The following ARHGAP10 variants were observed in gnomAD, a reference collection of about 807,000 sequenced individuals.
ARHGAP10 encodes the protein Rho GTPase activating protein 10, also known as rho GTPase-activating protein 10.
Under a neutral mutation model 108.6 loss-of-function variants are expected in ARHGAP10, and 87 were observed. The observed-to-expected ratio is 0.80, with a 90% CI of 0.67 to 0.96. The LOEUF (loss-of-function observed/expected upper bound fraction) is 0.96, where lower values mean the gene tolerates loss of function less well. Ranked by LOEUF, ARHGAP10 falls within the 40% of genes least tolerant of loss-of-function variation. ARHGAP10 has a pLI of 0.00. For missense variants in ARHGAP10, 939 were observed against 954.5 expected, an observed-to-expected ratio of 0.98 and a Z score of 0.21; for synonymous variants, 347 against 341.1, an observed-to-expected ratio of 1.02 and a Z score of -0.19.
At chr4:147,854,684 A>C in intron 4 of ARHGAP10, 3 of 982,892 alleles carry the variant, frequency 3.1e-6, no homozygotes, top group Non-Finnish European at 3.6e-6. Context: ...AGCACAAGAA[A>C]TCATATGAGC....
intron 14 of ARHGAP10, among the ~76,000 whole-genome samples, chr4:147,940,618 A>G (rs544410325): frequency 1.3e-5 from 2 of 152,170 alleles, no homozygotes; most frequent in South Asian, 2.1e-4. Flanking sequence ...TATCAAACCA[A>G]TCTGTCATTA....
At chr4:147,984,320 A>G (rs963831615) in intron 18 of ARHGAP10, among the ~76,000 whole-genome samples, 4 of 152,176 alleles carry the variant, frequency 2.6e-5, no homozygotes, top group African/African-American at 9.7e-5. Context: ...TTTCAGCCCA[A>G]ACTCTCCAGG....
chr4:148,061,104 T>G (rs533949765), intron 20 of ARHGAP10, among the ~76,000 whole-genome samples: 1 of 152,232 alleles, frequency 6.6e-6, no homozygotes, highest in South Asian at 2.1e-4. Flanking sequence ...TCCTTTTTTT[T>G]TTTTAAAGAA....
intron 19 of ARHGAP10, among the ~76,000 whole-genome samples, chr4:148,032,620 G>A (rs1172498607): frequency 6.6e-6 from 1 of 152,064 alleles, no homozygotes; most frequent in Non-Finnish European, 1.5e-5. Context: ...TAAGATAGAT[G>A]TATATATTGA....
At chr4:147,865,581 A>G (rs1038136232) in intron 6 of ARHGAP10, 4 of 109,676 alleles carry the variant, frequency 3.6e-5, no homozygotes, top group African/African-American at 2.1e-4. Context: ...GATTTCAGCA[A>G]AAAAACACTG....
At chr4:147,779,946 C>T (rs138079137) in intron 1 of ARHGAP10, among the ~76,000 whole-genome samples, 1 of 152,092 alleles carries the variant, frequency 6.6e-6, no homozygotes, top group South Asian at 2.1e-4. Flanking sequence ...TAGTCTTGCC[C>T]GAGTATGAGT....
intron 10 of ARHGAP10, among the ~76,000 whole-genome samples, chr4:147,903,389 A>G (rs776490397): frequency 6.6e-6 from 1 of 152,194 alleles, no homozygotes; most frequent in Non-Finnish European, 1.5e-5. Flanking sequence ...CCACACATGC[A>G]TAGCATTCCC....
intron 1 of ARHGAP10, among the ~76,000 whole-genome samples, chr4:147,756,238 G>A (rs1005349772): frequency 5.3e-5 from 8 of 152,110 alleles, no homozygotes; most frequent in Middle Eastern, 3.4e-3. Flanking sequence ...GTTCTTAATT[G>A]CTCTCCCTAG....
At chr4:148,047,141 C>A in intron 20 of ARHGAP10, 90 bp downstream of exon 20, 1 of 1,476,558 alleles carries the variant, frequency 6.8e-7, no homozygotes, top group South Asian at 1.3e-5. Flanking sequence ...CCTGTGGGTG[C>A]TGAAGCCATT....
chr4:147,775,167 C>T (rs1000174920), intron 1 of ARHGAP10, among the ~76,000 whole-genome samples: 3 of 152,130 alleles, frequency 2.0e-5, no homozygotes, highest in Admixed American at 6.5e-5. Context: ...CTCGCCTCGG[C>T]CCCCCAAAGT....
At chr4:147,739,284 G>T (rs13117046) in intron 1 of ARHGAP10, among the ~76,000 whole-genome samples, 1 of 151,820 alleles carries the variant, frequency 6.6e-6, no homozygotes, top group Admixed American at 6.6e-5. Flanking sequence ...GATTCACAAA[G>T]ATTTGAAGAT....
chr4:147,770,572 A>T (rs1579023103), intron 1 of ARHGAP10, among the ~76,000 whole-genome samples: 1 of 152,170 alleles, frequency 6.6e-6, no homozygotes, highest in East Asian at 1.9e-4. Context: ...ATATCTCTGT[A>T]TCCTGTATTT....
chr4:147,746,806 A>T (rs1447107366), intron 1 of ARHGAP10, among the ~76,000 whole-genome samples: 1 of 152,166 alleles, frequency 6.6e-6, no homozygotes, highest in Non-Finnish European at 1.5e-5. Flanking sequence ...ACACACTCAA[A>T]TTGTAGATTT....
At chr4:147,856,846 C>T (rs1012579087) in intron 4 of ARHGAP10, among the ~76,000 whole-genome samples, 1 of 152,046 alleles carries the variant, frequency 6.6e-6, no homozygotes, top group African/African-American at 2.4e-5. Context: ...TTTTGAAAAT[C>T]TAGAGTAAAA....
intron 16 of ARHGAP10, among the ~76,000 whole-genome samples, chr4:147,958,300 T>C (rs1738864114): frequency 6.6e-6 from 1 of 152,218 alleles, no homozygotes; most frequent in Non-Finnish European, 1.5e-5. Context: ...AACTAAAGGC[T>C]GAATGCCTGT....
At chr4:147,748,427 A>G (rs377198393) in intron 1 of ARHGAP10, among the ~76,000 whole-genome samples, 31 of 152,246 alleles carry the variant, frequency 2.0e-4, no homozygotes, top group African/African-American at 6.5e-4. Context: ...GTTTTAGAAA[A>G]TAAGATCTGG....
At chr4:147,894,896 C>T (rs1457930093) in intron 10 of ARHGAP10, among the ~76,000 whole-genome samples, 2 of 152,152 alleles carry the variant, frequency 1.3e-5, no homozygotes, top group African/African-American at 4.8e-5. Flanking sequence ...GTTCTTTTGC[C>T]AGTAACACAC....
chr4:148,030,450 T>A (rs887046817), intron 19 of ARHGAP10, among the ~76,000 whole-genome samples: 2 of 152,188 alleles, frequency 1.3e-5, no homozygotes, highest in Non-Finnish European at 2.9e-5. Flanking sequence ...AGTGACTGAT[T>A]TGAAACGTTT....
At chr4:147,752,770 T>G (rs1729210877) in intron 1 of ARHGAP10, among the ~76,000 whole-genome samples, 2 of 152,058 alleles carry the variant, frequency 1.3e-5, no homozygotes, top group Admixed American at 6.5e-5. Context: ...CAAGTGATCC[T>G]CCCACCTTGG....
Sources: gnomAD v4.1 joint callset for allele counts (sites outside exome capture counted in the v4.1 genomes callset) on GRCh38, gnomAD v4.1.1 for gene constraint, MANE v1.5 for transcripts, NCBI Gene and HGNC (gene_info 2026-07-23, HGNC 2026-07-21) for gene names.